GPC5: variants seen among roughly 807,000 people sequenced by gnomAD.
GPC5 encodes glypican-5.
In GPC5, 47 loss-of-function variants were observed where a neutral mutation model predicts 53.9. That is an observed-to-expected ratio of 0.87 (90% CI 0.69 to 1.11). The LOEUF (loss-of-function observed/expected upper bound fraction) is 1.11. Ranked by LOEUF, GPC5 falls within the 50% of genes most tolerant of loss-of-function variation. The pLI, the probability that GPC5 is intolerant of heterozygous loss-of-function variation, is 0.00. For missense variants in GPC5, 748 were observed against 713.1 expected (o/e 1.05, Z -0.56); for synonymous variants, 286 against 263.3 (o/e 1.09, Z -0.84).
intron 7 of GPC5, among the ~76,000 whole-genome samples, chr13:92,512,626 G>A (rs1880615535): frequency 1.3e-5 from 2 of 152,030 alleles, no homozygotes; most frequent in Admixed American, 1.3e-4. Flanking sequence ...TTTTCCCTAT[G>A]CCAATATCCA....
At chr13:92,557,049 G>C (rs1404150588) in intron 7 of GPC5, among the ~76,000 whole-genome samples, 1 of 151,494 alleles carries the variant, frequency 6.6e-6, no homozygotes, top group African/African-American at 2.4e-5. Flanking sequence ...GATTGACTAT[G>C]CTTGATATTC....
At chr13:91,428,910 G>T (rs1467383362) in intron 1 of GPC5, among the ~76,000 whole-genome samples, 2 of 151,894 alleles carry the variant, frequency 1.3e-5, no homozygotes, top group East Asian at 1.9e-4. Flanking sequence ...ATGAGCATCT[G>T]GGTTTTGTTT....
chr13:92,043,990 T>A (rs533744138), intron 6 of GPC5, among the ~76,000 whole-genome samples: 3 of 152,304 alleles, frequency 2.0e-5, no homozygotes, highest in Admixed American at 6.5e-5. Context: ...TTTGACTTCT[T>A]CTTCTGGAAT....
intron 2 of GPC5, among the ~76,000 whole-genome samples, chr13:91,529,802 G>A (rs1037109923): frequency 6.6e-6 from 1 of 152,116 alleles, no homozygotes; most frequent in Non-Finnish European, 1.5e-5. Flanking sequence ...ATTAGGCTGT[G>A]GAACAAGGTC....
At chr13:91,740,990 A>G (rs1224810183) in intron 4 of GPC5, among the ~76,000 whole-genome samples, 11 of 152,136 alleles carry the variant, frequency 7.2e-5, no homozygotes, top group Admixed American at 7.2e-4. Context: ...CCAGTGCCCC[A>G]TCTGTTCTCC....
At chr13:91,832,056 G>T (rs1317729374) in intron 5 of GPC5, among the ~76,000 whole-genome samples, 4 of 151,932 alleles carry the variant, frequency 2.6e-5, no homozygotes, top group Non-Finnish European at 5.9e-5. Context: ...AGTGACAGTG[G>T]AGTGTTCAAG....
intron 7 of GPC5, among the ~76,000 whole-genome samples, chr13:92,751,736 T>TAA (rs933819639): frequency 7.0e-6 from 1 of 142,356 alleles, no homozygotes; most frequent in Non-Finnish European, 1.5e-5. Flanking sequence ...CCCTAGAACT[T>TAA]AAAGTATAAA....
At chr13:92,166,731 G>T (rs533661519) in intron 7 of GPC5, among the ~76,000 whole-genome samples, 112 of 152,264 alleles carry the variant, frequency 7.4e-4, no homozygotes, top group African/African-American at 2.5e-3. Flanking sequence ...TGAGGGAAGG[G>T]CTGTTTAACA....
At chr13:91,973,682 A>G (rs1594698410) in intron 6 of GPC5, among the ~76,000 whole-genome samples, 2 of 152,228 alleles carry the variant, frequency 1.3e-5, no homozygotes, top group East Asian at 3.9e-4. Flanking sequence ...TTTTCCTTCT[A>G]ACAGACAGGA....
intron 2 of GPC5, among the ~76,000 whole-genome samples, chr13:91,539,102 C>G (rs939682215): frequency 6.6e-6 from 1 of 152,142 alleles, no homozygotes; most frequent in African/African-American, 2.4e-5. Flanking sequence ...AATTACATAA[C>G]TAAACAGAAT....
intron 7 of GPC5, among the ~76,000 whole-genome samples, chr13:92,397,526 A>G (rs1197966625): frequency 6.6e-6 from 1 of 152,242 alleles, no homozygotes; most frequent in East Asian, 1.9e-4. Context: ...ACGGACTAAT[A>G]CAGTATGTTT....
At chr13:91,976,615 G>T (rs909524981) in intron 6 of GPC5, among the ~76,000 whole-genome samples, 1 of 152,210 alleles carries the variant, frequency 6.6e-6, no homozygotes, top group African/African-American at 2.4e-5. Context: ...ATTATGACAC[G>T]TGAAGAGTCT....
intron 5 of GPC5, among the ~76,000 whole-genome samples, chr13:91,810,598 AAT>A (rs1374132586): frequency 6.6e-6 from 1 of 151,998 alleles, no homozygotes; most frequent in Non-Finnish European, 1.5e-5. Context: ...AATAAATAAA[AAT>A]AGAGTAAAAA....
At chr13:92,490,651 A>G (rs1370676598) in intron 7 of GPC5, among the ~76,000 whole-genome samples, 1 of 152,100 alleles carries the variant, frequency 6.6e-6, no homozygotes, top group Non-Finnish European at 1.5e-5. Context: ...AAAGATATAA[A>G]AGTGTTTTGT....
chr13:92,507,411 T>C (rs867408485), intron 7 of GPC5, among the ~76,000 whole-genome samples: 3 of 152,236 alleles, frequency 2.0e-5, no homozygotes, highest in Admixed American at 1.3e-4. Context: ...TTGGCTTCAG[T>C]CCTTTCATTA....
At chr13:91,675,045 C>T (rs756779170) in intron 2 of GPC5, among the ~76,000 whole-genome samples, 18 of 151,706 alleles carry the variant, frequency 1.2e-4, no homozygotes, top group Non-Finnish European at 1.9e-4. Flanking sequence ...TCTTCCTACA[C>T]GTGCTTTTCA....
At chr13:92,453,530 C>T (rs1390164203) in intron 7 of GPC5, among the ~76,000 whole-genome samples, 1 of 151,978 alleles carries the variant, frequency 6.6e-6, no homozygotes, top group African/African-American at 2.4e-5. Flanking sequence ...AAAGTGAAAC[C>T]ATATAAACTA....
chr13:92,518,392 C>A (rs891593088), intron 7 of GPC5, among the ~76,000 whole-genome samples: 7 of 152,100 alleles, frequency 4.6e-5, no homozygotes, highest in Admixed American at 6.5e-5. Flanking sequence ...GTCGGGTTAC[C>A]CACAAAGGGA....
chr13:92,496,869 C>T (rs1017548566), intron 7 of GPC5, among the ~76,000 whole-genome samples: 1 of 152,168 alleles, frequency 6.6e-6, no homozygotes, highest in East Asian at 1.9e-4. Context: ...CTCCCACAAC[C>T]TCAATTCTTG....
Sources: allele counts gnomAD v4.1 joint callset (sites outside exome capture counted in the v4.1 genomes callset), GRCh38; gene constraint gnomAD v4.1.1; transcripts MANE v1.5; gene names NCBI Gene and HGNC (gene_info 2026-07-23, HGNC 2026-07-21).